Variants in ATP13A4 observed in about 807,000 individuals in gnomAD.
ATP13A4 encodes ATPase 13A4, also known as probable cation-transporting ATPase 13A4.
In ATP13A4, 114 loss-of-function variants were observed where a neutral mutation model predicts 142.5. The ratio of observed to expected loss-of-function variants is 0.80; its 90% CI spans 0.69 to 0.93. The LOEUF (loss-of-function observed/expected upper bound fraction) is 0.93. Ranked by LOEUF, ATP13A4 falls within the 40% of genes least tolerant of loss-of-function variation. The pLI is 0.00. For synonymous variants in ATP13A4, 488 were observed against 514.8 expected (o/e 0.95, Z 0.70); for missense variants, 1,392 against 1,454.0 (o/e 0.96, Z 0.69).
intron 5 of ATP13A4, among the ~76,000 whole-genome samples, chr3:193,492,071 G>A (rs1268215252): frequency 6.6e-6 from 1 of 152,166 alleles, no homozygotes; most frequent in Non-Finnish European, 1.5e-5. Flanking sequence ...AAATGTATGA[G>A]AGCAGTGCTT....
At chr3:193,436,130 T>A (rs1242938151) in intron 23 of ATP13A4, among the ~76,000 whole-genome samples, 1 of 152,246 alleles carries the variant, frequency 6.6e-6, no homozygotes, top group African/African-American at 2.4e-5. Flanking sequence ...ATCTGTGAAC[T>A]AATGGATTTA....
In ATP13A4 at chr3:193,414,497, C is replaced by T. The variant is rs1714945308; in HGVS notation, c.3014+82G>A. 14 of 1,519,586 alleles carry T rather than the reference C, an allele frequency of 9.2e-6. No individual in the cohort carries two copies. The South Asian group carries it at 1.5e-4, about 16-fold the overall frequency. The allele number at this position is 1,519,586 out of a possible 1,614,324, so 94.1% of individuals were successfully genotyped here. On this transcript the variant is annotated intron_variant, in intron 26 of 29. Transcript: ENST00000342695. ...CAAAACCTTTGGCAGAATGAAGACCCATGTGCCTCCCATCATATTGGCCAG... is the reference window on the plus strand; with the variant it reads ...CAAAACCTTTGGCAGAATGAAGACCTATGTGCCTCCCATCATATTGGCCAG...
chr3:193,490,971 A>G (rs1222586862), intron 6 of ATP13A4, among the ~76,000 whole-genome samples: 1 of 152,228 alleles, frequency 6.6e-6, no homozygotes, highest in Non-Finnish European at 1.5e-5. Context: ...TTAGGCACCA[A>G]GGAAATTGTA....
intron 28 of ATP13A4, 117 bp from the exon 29 acceptor site, chr3:193,407,510 G>T: frequency 2.8e-6 from 2 of 720,730 alleles, no homozygotes; most frequent in Non-Finnish European, 4.8e-6. Flanking sequence ...ATATATATGT[G>T]TGTATATTAC....
intron 2 of ATP13A4, among the ~76,000 whole-genome samples, chr3:193,507,651 T>G (rs1720928985): frequency 6.6e-6 from 1 of 152,156 alleles, no homozygotes; most frequent in Non-Finnish European, 1.5e-5. Flanking sequence ...GGGATGGGAT[T>G]TGGGGCTTGC....
intron 9 of ATP13A4, among the ~76,000 whole-genome samples, chr3:193,469,452 G>A (rs749055984): frequency 3.3e-5 from 5 of 151,868 alleles, no homozygotes; most frequent in African/African-American, 7.3e-5. Flanking sequence ...ATCGTGAAAC[G>A]CCACCTCTAC....
Position 193,401,392 on chromosome 3 carries a change from T to TA in ATP13A4, c.*1259_*1260insT, listed in dbSNP as rs1290684235. 2.6e-5 allele frequency among the ~76,000 whole-genome samples: 4 copies of TA among 151,534 alleles called. No individual in the cohort carries two copies. Among genetic ancestry groups the TA allele is most frequent in the East Asian group, 1.9e-4 (1 of 5,176 alleles). On this transcript the variant is annotated 3_prime_UTR_variant, in exon 30 of 30. Coordinates refer to ENST00000342695, the MANE Select transcript of ATP13A4 (RefSeq NM_032279.4). ...TTTCTGGAAACTCAAGCCACAAACT[T>TA]TAAAAAAAAAATGTACTAGTTGTGT...
At chr3:193,442,272 C>T (rs764339040) in intron 19 of ATP13A4, 121 bp downstream of exon 19, 67 of 1,046,802 alleles carry the variant, frequency 6.4e-5, no homozygotes, top group Non-Finnish European at 8.7e-5. Context: ...TAACTGAGTT[C>T]GTTCAAAAGC....
At chr3:193,499,429 GCTA>G (rs1720415469) in intron 3 of ATP13A4, among the ~76,000 whole-genome samples, 2 of 152,172 alleles carry the variant, frequency 1.3e-5, no homozygotes, top group Non-Finnish European at 2.9e-5. Context: ...TGTAATCACA[GCTA>G]CTATTTTTTG....
chr3:193,588,368 A>G (rs1016770598), intron 1 of ATP13A4, among the ~76,000 whole-genome samples: 19 of 152,200 alleles, frequency 1.2e-4, no homozygotes, highest in Non-Finnish European at 2.5e-4. Flanking sequence ...TTCCAAAGCC[A>G]GCATTATCAT....
At position 193,419,676 on chromosome 3, in the gene ATP13A4, C is replaced by T. The variant is rs769047383; in HGVS notation, c.2843-4926G>A. ...AGGCCTGAGCTGACATAGTACTCCA[C>T]ATCCCAGGGAAAAGCACTGGCTGAG... On this transcript the variant is annotated intron_variant, in intron 25 of 29. Transcript: ENST00000342695. 9.9e-4 allele frequency among the ~76,000 whole-genome samples: 148 copies of T among 150,066 alleles called. 5 individuals carry two copies. The highest frequency in any genetic ancestry group is 1.8e-3 in the Non-Finnish European group (124 of 67,888).
At chr3:193,488,265 A>T (rs1392984177) in intron 7 of ATP13A4, among the ~76,000 whole-genome samples, 1 of 152,220 alleles carries the variant, frequency 6.6e-6, no homozygotes, top group African/African-American at 2.4e-5. Context: ...ACTCCATCTC[A>T]AAAATAAATA....
intron 18 of ATP13A4, among the ~76,000 whole-genome samples, chr3:193,445,402 C>T (rs1716888851): frequency 1.3e-5 from 2 of 151,894 alleles, no homozygotes; most frequent in African/African-American, 2.4e-5. Context: ...CACCACTGCA[C>T]TCCAGCCCTG....
At chr3:193,584,100 G>A (rs1724623709) in intron 1 of ATP13A4, among the ~76,000 whole-genome samples, 2 of 152,166 alleles carry the variant, frequency 1.3e-5, no homozygotes, top group South Asian at 2.1e-4. Context: ...CCACAAAGAA[G>A]TCTGAATCCT....
intron 8 of ATP13A4, 27 bp from the exon 9 acceptor site, chr3:193,471,020 G>A: frequency 1.2e-6 from 2 of 1,614,000 alleles, no homozygotes; most frequent in Non-Finnish European, 8.5e-7. Context: ...ACAGAGTTGA[G>A]TCAGGTTATT....
At chr3:193,452,265 C>G (rs553856031) in intron 17 of ATP13A4, among the ~76,000 whole-genome samples, 1 of 152,172 alleles carries the variant, frequency 6.6e-6, no homozygotes, top group Non-Finnish European at 1.5e-5. Flanking sequence ...CTTCCCTGGA[C>G]GCAAGTTGCC....
chr3:193,500,023 G>C (rs926842305), intron 3 of ATP13A4, among the ~76,000 whole-genome samples: 4 of 152,104 alleles, frequency 2.6e-5, no homozygotes, highest in African/African-American at 9.7e-5. Context: ...TGAGATTCCC[G>C]CAGGAGAAAA....
intron 28 of ATP13A4, among the ~76,000 whole-genome samples, chr3:193,410,696 G>T (rs901204936): frequency 1.3e-5 from 2 of 152,148 alleles, no homozygotes; most frequent in African/African-American, 4.8e-5. Flanking sequence ...TCCAGACTGG[G>T]CAACAAAGTG....
intron 2 of ATP13A4, among the ~76,000 whole-genome samples, chr3:193,567,879 C>T (rs945905782): frequency 1.7e-4 from 26 of 152,182 alleles, no homozygotes; most frequent in Admixed American, 1.5e-3. Context: ...TCTTCTGACC[C>T]GTGAGCCAGA....
Sources: allele counts gnomAD v4.1 joint callset (sites outside exome capture counted in the v4.1 genomes callset), GRCh38; gene constraint gnomAD v4.1.1; transcripts MANE v1.5; gene names NCBI Gene and HGNC (gene_info 2026-07-23, HGNC 2026-07-21).